The following FAM72B variants were observed in gnomAD, a reference collection of about 807,000 sequenced individuals.
FAM72B encodes protein FAM72B.
In FAM72B, 4 loss-of-function variants were observed where a neutral mutation model predicts 12.6. The observed-to-expected ratio is 0.32, with a 90% CI of 0.16 to 0.73. The LOEUF is 0.73. Ranked by LOEUF, FAM72B falls within the 30% of genes least tolerant of loss-of-function variation. FAM72B has a pLI of 0.67. For missense variants in FAM72B, 61 were observed against 158.4 expected (o/e 0.39, Z 3.30); for synonymous variants, 13 against 53.9 (o/e 0.24, Z 3.32).
chr1:121,173,184 ATTTTT>A (rs199877959), intron 3 of FAM72B, among the ~76,000 whole-genome samples: 7 of 125,530 alleles, frequency 5.6e-5, no homozygotes, highest in Non-Finnish European at 8.3e-5. Context: ...TACTAAAATA[ATTTTT>A]TTTTTTTTTT....
chr1:121,174,380 T>C (rs1558069062), intron 3 of FAM72B, among the ~76,000 whole-genome samples: 1 of 150,728 alleles, frequency 6.6e-6, no homozygotes, highest in Admixed American at 6.6e-5. Context: ...TTTTTTTTTT[T>C]TTTTGAGATG....
chr1:121,172,969 C>A (rs28417392), intron 3 of FAM72B, among the ~76,000 whole-genome samples: 63,248 of 112,316 alleles, frequency 0.56, 17,069 homozygotes, highest in East Asian at 0.76. Context: ...TCTCGCTACT[C>A]GGGAGGCTGA....
intron 1 of FAM72B, chr1:121,183,096 GA>G: frequency 8.9e-6 from 1 of 112,198 alleles, no homozygotes. Flanking sequence ...AAACTTAAGA[GA>G]TGTGTGGTCG....
At chr1:121,180,965 G>T (rs1385527588) in intron 2 of FAM72B, among the ~76,000 whole-genome samples, 2 of 152,188 alleles carry the variant, frequency 1.3e-5, no homozygotes, top group Non-Finnish European at 2.9e-5. Context: ...TAAGGGTAGG[G>T]TCAGACCTCA....
intron 3 of FAM72B, among the ~76,000 whole-genome samples, chr1:121,173,200 T>C (rs1478802813): frequency 6.7e-6 from 1 of 148,242 alleles, no homozygotes; most frequent in South Asian, 2.1e-4. Flanking sequence ...TTTTTTTTTT[T>C]TTGAGACAGG....
intron 3 of FAM72B, 41 bp from the exon 4 acceptor site, chr1:121,168,876 T>A: frequency 6.3e-7 from 1 of 1,578,532 alleles, no homozygotes; most frequent in Non-Finnish European, 8.6e-7. Flanking sequence ...TGCTTACTAC[T>A]GTTATAACTC....
At position 121,179,977 on chromosome 1, in the gene FAM72B, A is replaced by G. The variant is rs1424153235; in HGVS notation, c.230+1294T>C. ...ATAGCTTAAATAAAGGAATGAAATC[A>G]AATAGCACATAAGAAGAGCTTGCCA... On this transcript the variant is annotated intron_variant, in intron 2 of 3. Transcript: ENST00000369390. Among the ~76,000 whole-genome samples, 3 of 107,762 alleles carry G rather than the reference A, an allele frequency of 2.8e-5. No homozygotes were observed. The East Asian group carries it at 7.3e-4, about 26-fold the overall frequency. 70.7% of individuals were successfully genotyped at this position (107,762 alleles called of 152,430 possible). A position where few individuals can be genotyped will look rare whatever the true frequency, so the allele number is the denominator to read the frequency against.
intron 3 of FAM72B, among the ~76,000 whole-genome samples, chr1:121,175,304 A>G (rs1426029756): frequency 6.6e-6 from 1 of 152,202 alleles, no homozygotes; most frequent in Non-Finnish European, 1.5e-5. Flanking sequence ...CTGTTCATTG[A>G]CAATGCACCT....
chr1:121,168,909 A>T (rs1553315780), intron 3 of FAM72B, 74 bp from the exon 4 acceptor site: 1 of 790,614 alleles, frequency 1.3e-6, no homozygotes. Flanking sequence ...ACGAAACTTT[A>T]TATGTTAATA....
Position 121,168,823 on chromosome 1 carries a change from A to C in FAM72B, c.368T>G (p.Leu123Arg). The C allele has an allele frequency of 6.2e-7, 1 of 1,609,212 alleles. No homozygotes were observed. The highest frequency in any genetic ancestry group is 1.3e-5 in the African/African-American group (1 of 74,796). ...NRLDSTGVNI[L>R]LWGNLPEIEE... is the part of the protein sequence containing the mutation. ...TATCTCTGGCAAGTTGCCCCAAAGT[A>C]GGATGTTTACACCTGAAAATAAAAA... Residue 123 changes from leucine to arginine, a missense_variant, in exon 4 of 4, where the codon CTA (leucine) becomes CGA (arginine). Transcript: ENST00000369390.
chr1:121,183,642 G>A lies in FAM72B; in HGVS notation c.-153C>T, dbSNP rs373121597. The A allele has an allele frequency of 3.3e-6, 5 of 1,511,358 alleles. No individual in the cohort carries two copies. The highest frequency in any genetic ancestry group is 4.4e-6 in the Non-Finnish European group (5 of 1,128,046). The allele number at this position is 1,511,358 out of a possible 1,614,324, so 93.6% of individuals were successfully genotyped here. A position where few individuals can be genotyped will look rare whatever the true frequency, so the allele number is the denominator to read the frequency against. On this transcript the variant is annotated 5_prime_UTR_variant, in exon 1 of 4. Transcript: ENST00000369390. ...GGAAGGAAATTAGTTTTTTTTTTCT[G>A]TTTTCCCGGTGGCGGAGTAGAAGAA...
rs782386168 is a variant in FAM72B at position 121,183,536 on chromosome 1, G to A, written c.-47C>T. 3.7e-6 allele frequency: 6 copies of A among 1,601,918 alleles called. No individual in the cohort carries two copies. Among genetic ancestry groups the A allele is most frequent in the Non-Finnish European group, 4.3e-6 (5 of 1,175,304 alleles). On this transcript the variant is annotated 5_prime_UTR_variant, in exon 1 of 4. Transcript: ENST00000369390. ...TGTGGGATTTTGAAAAAGGAAACAA[G>A]AGTAATGCTCCTACTATTTTGATTC...
At chr1:121,173,077 CAA>C (rs587691402) in intron 3 of FAM72B, among the ~76,000 whole-genome samples, 14 of 93,364 alleles carry the variant, frequency 1.5e-4, no homozygotes, top group Non-Finnish European at 1.3e-4. Flanking sequence ...AACTCTGTCT[CAA>C]AAAAAAAAAA....
chr1:121,180,963 G>A (rs587651244), intron 2 of FAM72B, among the ~76,000 whole-genome samples: 1 of 152,284 alleles, frequency 6.6e-6, no homozygotes, highest in East Asian at 1.9e-4. Flanking sequence ...AGTAAGGGTA[G>A]GGTCAGACCT....
intron 3 of FAM72B, among the ~76,000 whole-genome samples, chr1:121,169,691 T>C (rs1394294306): frequency 5.9e-5 from 9 of 152,032 alleles, no homozygotes; most frequent in Non-Finnish European, 1.3e-4. Flanking sequence ...TTGGTACCAG[T>C]GGGTTTCAGT....
rs1654032943 is a variant in FAM72B, at chr1:121,168,964, G to A, written c.356-129C>T. Reference sequence around the variant, plus strand: ...GTTAGCAGTAAAAAGAGTAGCTATTGAAGAATGTACTGCAAATAAAATTAC... The same window carrying A: ...GTTAGCAGTAAAAAGAGTAGCTATTAAAGAATGTACTGCAAATAAAATTAC... On this transcript the variant is annotated intron_variant, in intron 3 of 3. Coordinates refer to ENST00000369390, the MANE Select transcript of FAM72B (RefSeq NM_001100910.2). 5 of 578,296 alleles carry A rather than the reference G, an allele frequency of 8.6e-6. No homozygotes were observed. In the African/African-American group the frequency reaches 9.7e-5, roughly 11 times the overall value. 35.8% of individuals were successfully genotyped at this position (578,296 alleles called of 1,614,324 possible). A position where few individuals can be genotyped will look rare whatever the true frequency, so the allele number is the denominator to read the frequency against.
intron 2 of FAM72B, among the ~76,000 whole-genome samples, chr1:121,180,476 G>A (rs1163277248): frequency 1.6e-5 from 2 of 126,628 alleles, no homozygotes; most frequent in African/African-American, 6.5e-5. Flanking sequence ...TTGAACCTGG[G>A]AGGTGGAGGT....
Position 121,168,739 on chromosome 1 carries a change from A to T in FAM72B, c.*2T>A, listed in dbSNP as rs782602922. Reference sequence around the variant, plus strand: ...TGTATATCATATATATCATAATTCCATTTATCTAATACACTCCTCTGCTGA... The same window carrying T: ...TGTATATCATATATATCATAATTCCTTTTATCTAATACACTCCTCTGCTGA... On this transcript the variant is annotated 3_prime_UTR_variant, in exon 4 of 4. Transcript: ENST00000369390. 6 of 1,555,062 alleles carry T rather than the reference A, an allele frequency of 3.9e-6. No homozygotes were observed. The highest frequency in any genetic ancestry group is 3.7e-5 in the South Asian group (3 of 81,802).
chr1:121,174,410 C>G (rs1292563997), intron 3 of FAM72B, among the ~76,000 whole-genome samples: 1 of 145,892 alleles, frequency 6.9e-6, no homozygotes, highest in Non-Finnish European at 1.5e-5. Flanking sequence ...TTTTGTTGCC[C>G]AGGCTGGAGT....
Sources: gnomAD v4.1 joint callset for allele counts (sites outside exome capture counted in the v4.1 genomes callset) on GRCh38, gnomAD v4.1.1 for gene constraint, MANE v1.5 for transcripts, NCBI Gene and HGNC (gene_info 2026-07-23, HGNC 2026-07-21) for gene names.